PREX1: variants seen among roughly 807,000 people sequenced by gnomAD.
PREX1 encodes the protein phosphatidylinositol-3,4,5-trisphosphate dependent Rac exchange factor 1.
Under a neutral mutation model 198.3 loss-of-function variants are expected in PREX1, and 41 were observed. The observed-to-expected ratio is 0.21, with a 90% CI of 0.16 to 0.27. PREX1 has a LOEUF of 0.27. PREX1 is among the 10% of genes least tolerant of loss of function. PREX1 has a pLI of 1.00. For synonymous variants in PREX1, 843 were observed against 887.2 expected (o/e 0.95, Z 0.89); for missense variants, 1,620 against 2,200.7 (o/e 0.74, Z 5.28).
At chr20:48,709,697 G>C (rs1041215523) in intron 5 of PREX1, among the ~76,000 whole-genome samples, 1 of 152,184 alleles carries the variant, frequency 6.6e-6, no homozygotes, top group Non-Finnish European at 1.5e-5. Flanking sequence ...GTTGTGGTAA[G>C]CAATAAATGA....
chr20:48,804,605 A>C (rs564008150), intron 1 of PREX1, among the ~76,000 whole-genome samples: 1 of 152,210 alleles, frequency 6.6e-6, no homozygotes, highest in African/African-American at 2.4e-5. Flanking sequence ...GGGCTCAGAT[A>C]GGACGAATGT....
At chr20:48,837,834 G>C in the PREX1 span, among the ~76,000 whole-genome samples, 26 of 150,512 alleles carry the variant, frequency 1.7e-4, no homozygotes, top group African/African-American at 5.6e-4. Flanking sequence ...AGTTTAATGA[G>C]AGAGAGAGAG....
chr20:48,628,140 G>A (rs1282997090), intron 37 of PREX1, among the ~76,000 whole-genome samples, 177 bp from the exon 38 acceptor site: 5 of 152,108 alleles, frequency 3.3e-5, no homozygotes. Context: ...CTCCCCGCTT[G>A]CTCCTCTTCC....
intron 32 of PREX1, among the ~76,000 whole-genome samples, chr20:48,635,183 T>A (rs1247485187): frequency 6.6e-6 from 1 of 152,084 alleles, no homozygotes; most frequent in Non-Finnish European, 1.5e-5. Flanking sequence ...AACCTTTGAC[T>A]TCTCAGTTTC....
chr20:48,838,527 C>T, the PREX1 span, among the ~76,000 whole-genome samples: 1 of 151,918 alleles, frequency 6.6e-6, no homozygotes, highest in Non-Finnish European at 1.5e-5. Context: ...AGTATGTCCC[C>T]AATTTGGAAA....
At chr20:48,830,743 C>T (rs1248703105), upstream of PREX1, among the ~76,000 whole-genome samples, 1 of 152,232 alleles carries the variant, frequency 6.6e-6, no homozygotes, top group Non-Finnish European at 1.5e-5. Context: ...TAGTAACATA[C>T]TTAAGCTCTC....
intron 1 of PREX1, among the ~76,000 whole-genome samples, chr20:48,767,944 G>A (rs2090216838): frequency 6.6e-6 from 1 of 152,174 alleles, no homozygotes; most frequent in South Asian, 2.1e-4. Context: ...AATGCAGGTA[G>A]CACAAAGTGT....
At chr20:48,642,619 G>T in intron 27 of PREX1, 130 bp from the exon 28 acceptor site, 1 of 798,656 alleles carries the variant, frequency 1.3e-6, no homozygotes, top group Non-Finnish European at 1.9e-6. Flanking sequence ...CTGAAGACCA[G>T]GTCCTGGCTG....
chr20:48,738,175 G>A (rs2090065263), intron 3 of PREX1, among the ~76,000 whole-genome samples: 1 of 152,160 alleles, frequency 6.6e-6, no homozygotes, highest in Non-Finnish European at 1.5e-5. Flanking sequence ...CCCAGTCACT[G>A]GGTAGTGCCA....
intron 16 of PREX1, among the ~76,000 whole-genome samples, chr20:48,659,498 AGC>A: frequency 6.6e-6 from 1 of 152,032 alleles, no homozygotes; most frequent in Non-Finnish European, 1.5e-5. Context: ...AAGTTAATGG[AGC>A]CGTCTTCATA....
At chr20:48,806,676 A>G (rs1288833792) in intron 1 of PREX1, among the ~76,000 whole-genome samples, 1 of 152,202 alleles carries the variant, frequency 6.6e-6, no homozygotes, top group Non-Finnish European at 1.5e-5. Flanking sequence ...GCCGGGACTG[A>G]AAGATAACAT....
intron 1 of PREX1, among the ~76,000 whole-genome samples, chr20:48,753,795 A>G (rs1437784054): frequency 6.6e-6 from 1 of 152,208 alleles, no homozygotes; most frequent in Non-Finnish European, 1.5e-5. Flanking sequence ...TTCAATTGGC[A>G]GGAGAGGTCC....
chr20:48,809,867 G>A (rs1236834922), intron 1 of PREX1, among the ~76,000 whole-genome samples: 1 of 152,186 alleles, frequency 6.6e-6, no homozygotes, highest in Non-Finnish European at 1.5e-5. Context: ...CTGTTTAATA[G>A]CTGATGTTGC....
At chr20:48,800,307 C>T (rs947421579) in intron 1 of PREX1, among the ~76,000 whole-genome samples, 9 of 152,112 alleles carry the variant, frequency 5.9e-5, no homozygotes, top group South Asian at 2.1e-4. Context: ...ATCAGTAGGG[C>T]GACCAACAGC....
chr20:48,800,735 G>A (rs550480950), intron 1 of PREX1, among the ~76,000 whole-genome samples: 8 of 152,254 alleles, frequency 5.3e-5, no homozygotes, highest in African/African-American at 1.9e-4. Context: ...CAAGCACCAT[G>A]GTACATACTG....
rs1243030659 is a variant in PREX1 at position 48,655,339 on chromosome 20, G to C, written c.2160C>G (p.Cys720Trp). ...IKIPDQPDTL[C>W]FQIRGAAPPY... ...GTGGGGCAGCTCCACGAATCTGGAA[G>C]CACAGTGTGTCCGGCTGGTCGGGGA... Residue 720 changes from cysteine (C) to tryptophan (W), a missense_variant, in exon 19 of 40, where the codon TGC (cysteine) becomes TGG (tryptophan). Physicochemically the swap from Cys to Trp is radical, Grantham distance 215. This residue lies in a region of PREX1 where 514 missense variants were observed against 611.6 expected (regional missense o/e 0.84). Transcript: ENST00000371941. 6.3e-7 allele frequency: 1 copy of C among 1,599,662 alleles called. No homozygotes were observed. The highest frequency in any genetic ancestry group is 8.5e-7 in the Non-Finnish European group (1 of 1,171,560).
chr20:48,817,990 AG>A (rs542638578), intron 1 of PREX1, among the ~76,000 whole-genome samples: 3 of 152,118 alleles, frequency 2.0e-5, no homozygotes, highest in African/African-American at 7.2e-5. Flanking sequence ...ACGCAAGCAA[AG>A]GAAGAAATGG....
At chr20:48,722,740 C>T (rs1172809215) in intron 5 of PREX1, among the ~76,000 whole-genome samples, 2 of 152,160 alleles carry the variant, frequency 1.3e-5, no homozygotes, top group African/African-American at 4.8e-5. Context: ...GGCAACTGCC[C>T]CCTGAGACAG....
At chr20:48,765,250 A>T (rs1017595291) in intron 1 of PREX1, among the ~76,000 whole-genome samples, 2 of 152,228 alleles carry the variant, frequency 1.3e-5, no homozygotes, top group Non-Finnish European at 2.9e-5. Context: ...TATGTTTAGT[A>T]AGCTGCAAAA....
Sources: gnomAD v4.1 joint callset for allele counts (sites outside exome capture counted in the v4.1 genomes callset) on GRCh38, gnomAD v4.1.1 for gene constraint, gnomAD v4.1.1 regional missense constraint, MANE v1.5 for transcripts, NCBI Gene and HGNC (gene_info 2026-07-23, HGNC 2026-07-21) for gene names.